AGBL4: variants seen among roughly 807,000 people sequenced by gnomAD.
AGBL4 encodes the protein AGBL carboxypeptidase 4.
In AGBL4, 58 loss-of-function variants were observed where a neutral mutation model predicts 66.4. The ratio of observed to expected loss-of-function variants is 0.87; its 90% CI spans 0.71 to 1.09. AGBL4 has a LOEUF of 1.09. Ranked by LOEUF, AGBL4 falls within the 50% of genes least tolerant of loss-of-function variation. The pLI is 0.00. For synonymous variants in AGBL4, 234 were observed against 222.9 expected (o/e 1.05, Z -0.44); for missense variants, 579 against 631.0 (o/e 0.92, Z 0.88).
At chr1:49,238,619 A>G (rs1401578085) in intron 4 of AGBL4, among the ~76,000 whole-genome samples, 1 of 152,164 alleles carries the variant, frequency 6.6e-6, no homozygotes, top group Non-Finnish European at 1.5e-5. Context: ...GTGGTGGCAA[A>G]GACAAAAGTC....
At position 49,433,309 on chromosome 1, in the gene AGBL4, A is replaced by G. The variant is rs368435367; in HGVS notation, c.283-187445T>C. On this transcript the variant is annotated intron_variant, in intron 3 of 13. Coordinates refer to ENST00000371839, the MANE Select transcript of AGBL4 (RefSeq NM_032785.4). Reference sequence around the variant, plus strand: ...ACCTTGGCTTGTGACTGGCGTAGGAAGTGGGGGCAGTCTTGTGGGACTGAA... The same window carrying G: ...ACCTTGGCTTGTGACTGGCGTAGGAGGTGGGGGCAGTCTTGTGGGACTGAA... Among the ~76,000 whole-genome samples the G allele has an allele frequency of 3.2e-4, 48 of 152,228 alleles. No individual in the cohort carries two copies. In the South Asian group the frequency reaches 9.1e-3, roughly 29 times the overall value.
chr1:49,937,054 A>G (rs1223029794), intron 1 of AGBL4, among the ~76,000 whole-genome samples: 13 of 152,218 alleles, frequency 8.5e-5, no homozygotes, highest in Non-Finnish European at 1.3e-4. Flanking sequence ...CAAATTGAAT[A>G]AAGAGTCAAG....
intron 1 of AGBL4, among the ~76,000 whole-genome samples, chr1:49,919,545 C>A (rs1336741001): frequency 6.6e-6 from 1 of 152,042 alleles, no homozygotes; most frequent in African/African-American, 2.4e-5. Flanking sequence ...TGTGAAGGAA[C>A]TCTTCAAGGA....
chr1:48,634,629 C>T, intron 8 of AGBL4, 25 bp from the exon 9 acceptor site: 1 of 1,520,252 alleles, frequency 6.6e-7, no homozygotes, highest in South Asian at 1.2e-5. Context: ...AAGTAAGAGT[C>T]AATATAGACA....
chr1:48,969,005 G>T (rs1658679414), intron 5 of AGBL4, among the ~76,000 whole-genome samples: 1 of 152,030 alleles, frequency 6.6e-6, no homozygotes, highest in Admixed American at 6.6e-5. Flanking sequence ...TGTCTTGTTG[G>T]TTTTCCAGAA....
At chr1:48,606,787 C>A (rs547174206) in intron 9 of AGBL4, among the ~76,000 whole-genome samples, 55 of 152,232 alleles carry the variant, frequency 3.6e-4, no homozygotes, top group African/African-American at 1.3e-3. Context: ...TTCCCCATCA[C>A]CTAAATCCAT....
At chr1:49,697,879 T>C (rs1323078041) in intron 2 of AGBL4, among the ~76,000 whole-genome samples, 3 of 152,178 alleles carry the variant, frequency 2.0e-5, no homozygotes, top group Admixed American at 2.0e-4. Flanking sequence ...AACAGGCATA[T>C]ATGGTTTGTA....
chr1:49,842,158 A>G (rs1646012078), intron 2 of AGBL4: 1 of 404,562 alleles, frequency 2.5e-6, no homozygotes, highest in Non-Finnish European at 4.7e-6. Flanking sequence ...CCCACACTGC[A>G]TTGGAGGAGC....
chr1:48,725,303 G>C (rs981020223), intron 6 of AGBL4, among the ~76,000 whole-genome samples: 1 of 152,098 alleles, frequency 6.6e-6, no homozygotes, highest in African/African-American at 2.4e-5. Context: ...CCTTATCCCA[G>C]ACCTACCGAA....
chr1:49,341,585 A>T (rs1557854379), intron 3 of AGBL4, among the ~76,000 whole-genome samples: 1 of 152,120 alleles, frequency 6.6e-6, no homozygotes, highest in Non-Finnish European at 1.5e-5. Flanking sequence ...TTAAAAATAG[A>T]TTTGGCACTA....
intron 1 of AGBL4, among the ~76,000 whole-genome samples, chr1:49,979,401 C>CA (rs1658869047): frequency 1.3e-5 from 2 of 150,492 alleles, no homozygotes; most frequent in Admixed American, 1.3e-4. Flanking sequence ...GCGGAGCTTG[C>CA]AGTGAGCCGA....
In AGBL4 at chr1:49,917,722, C is replaced by T. The variant is rs529418099; in HGVS notation, c.35-66204G>A. On this transcript the variant is annotated intron_variant, in intron 1 of 13. Coordinates refer to ENST00000371839, the MANE Select transcript of AGBL4 (RefSeq NM_032785.4). Reference sequence around the variant, plus strand: ...TACTCAGGAATTAAACTCAGCTCTGCACCAAGCAGACCTAATAGACATCTA... The same window carrying T: ...TACTCAGGAATTAAACTCAGCTCTGTACCAAGCAGACCTAATAGACATCTA... Among the ~76,000 whole-genome samples the T allele has an allele frequency of 5.9e-5, 9 of 152,286 alleles. No homozygotes were observed. In the East Asian group the frequency reaches 1.7e-3, roughly 29 times the overall value.
At chr1:49,196,760 A>T (rs1222788192) in intron 4 of AGBL4, among the ~76,000 whole-genome samples, 1 of 150,948 alleles carries the variant, frequency 6.6e-6, no homozygotes, top group Non-Finnish European at 1.5e-5. Flanking sequence ...TGTCTTGAGG[A>T]TGTTATTATA....
chr1:48,972,809 T>C (rs914620806), intron 5 of AGBL4, among the ~76,000 whole-genome samples: 2 of 152,118 alleles, frequency 1.3e-5, no homozygotes, highest in African/African-American at 4.8e-5. Flanking sequence ...GGATAAAAAA[T>C]ACATTCTAGA....
rs576925207 is a variant in AGBL4 at position 49,371,286 on chromosome 1, T to C, written c.283-125422A>G. Among the ~76,000 whole-genome samples, 39 of 145,824 alleles carry C rather than the reference T, an allele frequency of 2.7e-4. No homozygotes were observed. In the East Asian group the frequency reaches 4.5e-3, roughly 17 times the overall value. ...ATACATACATACATACATACATACA[T>C]ACACACACACACATCCTTTTGGCTG... On this transcript the variant is annotated intron_variant, in intron 3 of 13. Transcript: ENST00000371839.
chr1:49,106,972 A>G (rs1232412771), intron 4 of AGBL4, among the ~76,000 whole-genome samples: 1 of 152,108 alleles, frequency 6.6e-6, no homozygotes, highest in Non-Finnish European at 1.5e-5. Flanking sequence ...CTACTTGGGG[A>G]TAGAAAATGA....
At chr1:49,482,859 T>C (rs1646985285) in intron 3 of AGBL4, among the ~76,000 whole-genome samples, 1 of 152,152 alleles carries the variant, frequency 6.6e-6, no homozygotes, top group African/African-American at 2.4e-5. Context: ...TCTTGATTTC[T>C]ATTTTAATTT....
intron 4 of AGBL4, among the ~76,000 whole-genome samples, chr1:49,115,330 T>C (rs781477532): frequency 2.0e-5 from 3 of 152,180 alleles, no homozygotes; most frequent in African/African-American, 4.8e-5. Context: ...TTATTTTTCT[T>C]CTACTGAAAA....
At chr1:48,889,749 G>A (rs966886601) in intron 5 of AGBL4, among the ~76,000 whole-genome samples, 2 of 152,136 alleles carry the variant, frequency 1.3e-5, no homozygotes, top group Non-Finnish European at 2.9e-5. Context: ...GACCTGCAGG[G>A]CAAGGACTCA....
Sources: gnomAD v4.1 joint callset for allele counts (sites outside exome capture counted in the v4.1 genomes callset) on GRCh38, gnomAD v4.1.1 for gene constraint, MANE v1.5 for transcripts, NCBI Gene and HGNC (gene_info 2026-07-23, HGNC 2026-07-21) for gene names.